RNLS: variants seen among roughly 807,000 people sequenced by gnomAD.
RNLS encodes the protein renalase, FAD dependent amine oxidase.
In RNLS, 39 loss-of-function variants were observed where a neutral mutation model predicts 39.8. The observed-to-expected ratio is 0.98, with a 90% confidence interval of 0.76 to 1.28. RNLS has a LOEUF of 1.28. Among genes scored for constraint, RNLS ranks in the 50% most tolerant of loss-of-function variants. RNLS has a pLI of 0.00. For missense variants in RNLS, 410 were observed against 413.3 expected (o/e 0.99, Z 0.07); for synonymous variants, 147 against 150.7 (o/e 0.98, Z 0.18).
chr10:88,558,795 T>C (rs1849010735), intron 4 of RNLS, among the ~76,000 whole-genome samples: 1 of 152,146 alleles, frequency 6.6e-6, no homozygotes, highest in East Asian at 1.9e-4. Context: ...AAGAACATGA[T>C]AAAATATCAA....
At chr10:88,501,575 C>T (rs1455137218) in intron 4 of RNLS, among the ~76,000 whole-genome samples, 3 of 152,078 alleles carry the variant, frequency 2.0e-5, no homozygotes, top group Non-Finnish European at 4.4e-5. Flanking sequence ...CCATTGCACC[C>T]CTGAGTTCCT....
intron 4 of RNLS, among the ~76,000 whole-genome samples, chr10:88,368,778 A>T (rs183247437): frequency 2.6e-5 from 4 of 152,042 alleles, no homozygotes; most frequent in African/African-American, 9.6e-5. Flanking sequence ...GCAGATTTTT[A>T]TCTATGTTTC....
chr10:88,332,521 C>T (rs1463598305), intron 5 of RNLS, among the ~76,000 whole-genome samples: 2 of 152,152 alleles, frequency 1.3e-5, no homozygotes, highest in Non-Finnish European at 2.9e-5. Context: ...GTTTACATAT[C>T]TAGTTAAAAC....
At chr10:88,394,801 C>A (rs1181437783) in intron 4 of RNLS, among the ~76,000 whole-genome samples, 4 of 152,160 alleles carry the variant, frequency 2.6e-5, no homozygotes, top group Non-Finnish European at 4.4e-5. Flanking sequence ...ACCTAAATGT[C>A]CAACAATGAT....
chr10:88,410,169 T>C (rs1269770661), intron 4 of RNLS, among the ~76,000 whole-genome samples: 1 of 152,142 alleles, frequency 6.6e-6, no homozygotes, highest in Non-Finnish European at 1.5e-5. Flanking sequence ...AAACGTTCTA[T>C]GCCAAGTTTA....
intron 4 of RNLS, among the ~76,000 whole-genome samples, chr10:88,453,959 C>T (rs1476921947): frequency 2.6e-5 from 4 of 152,094 alleles, no homozygotes; most frequent in East Asian, 3.8e-4. Flanking sequence ...ACATATTGAT[C>T]TAGAATATGA....
At chr10:88,179,134 A>G in the RNLS span, among the ~76,000 whole-genome samples, 2 of 152,232 alleles carry the variant, frequency 1.3e-5, no homozygotes, top group African/African-American at 4.8e-5. Flanking sequence ...ATTATGTGGA[A>G]TGTTAAAAGT....
chr10:88,404,778 T>A (rs925807232), intron 4 of RNLS, among the ~76,000 whole-genome samples: 1 of 152,038 alleles, frequency 6.6e-6, no homozygotes, highest in Non-Finnish European at 1.5e-5. Flanking sequence ...AAATTCTACC[T>A]CGTTTATTCT....
intron 4 of RNLS, among the ~76,000 whole-genome samples, chr10:88,508,182 A>C (rs895611947): frequency 9.9e-5 from 15 of 152,122 alleles, no homozygotes; most frequent in Admixed American, 3.3e-4. Context: ...GCTTGAAATG[A>C]GGGTTTGTGA....
At chr10:88,532,069 T>A (rs1847458247) in intron 4 of RNLS, among the ~76,000 whole-genome samples, 1 of 152,072 alleles carries the variant, frequency 6.6e-6, no homozygotes, top group African/African-American at 2.4e-5. Context: ...AAGAATTAGG[T>A]CATTAAAGTC....
At position 88,341,117 on chromosome 10, in the gene RNLS, G is replaced by A. The variant is rs917551746; in HGVS notation, c.700+21435C>T. 9.5e-4 allele frequency among the ~76,000 whole-genome samples: 142 copies of A among 149,970 alleles called. 1 individual carries two copies. The highest frequency in any genetic ancestry group is 1.9e-4 in the Non-Finnish European group (13 of 67,608). On this transcript the variant is annotated intron_variant, in intron 5 of 6. Transcript: ENST00000331772. ...GGCCTAGGCGGGCGGATCACCTGAG[G>A]TCGGGAGTTCGAGACCAGCCTGACC...
intron 4 of RNLS, among the ~76,000 whole-genome samples, chr10:88,519,165 T>G (rs1379026383): frequency 6.6e-6 from 1 of 152,040 alleles, no homozygotes. Flanking sequence ...GAACCTAATG[T>G]GCATTCAGGC....
chr10:88,205,520 T>G, the RNLS span, among the ~76,000 whole-genome samples: 6 of 152,226 alleles, frequency 3.9e-5, no homozygotes, highest in East Asian at 1.2e-3. Flanking sequence ...TACCTTGGAT[T>G]AGTTGCAAGA....
intron 4 of RNLS, among the ~76,000 whole-genome samples, chr10:88,396,705 TAAA>T (rs35417528): frequency 1.4e-5 from 2 of 144,516 alleles, no homozygotes; most frequent in African/African-American, 5.0e-5. Flanking sequence ...CATAATGGAT[TAAA>T]AAAAAAAAAA....
chr10:88,509,488 A>T (rs1291906658), intron 4 of RNLS, among the ~76,000 whole-genome samples: 7 of 74,046 alleles, frequency 9.5e-5, no homozygotes, highest in African/African-American at 3.8e-4. Flanking sequence ...AGGGGAGGAG[A>T]GGAGGAGGGG....
At chr10:88,320,098 G>C (rs962025885) in intron 5 of RNLS, among the ~76,000 whole-genome samples, 1 of 151,582 alleles carries the variant, frequency 6.6e-6, no homozygotes, top group African/African-American at 2.4e-5. Context: ...GGACTTCTCT[G>C]TAGAAGCCTT....
rs541202174 is a variant in RNLS, at chr10:88,444,738, G to T, written c.527-82013C>A. On this transcript the variant is annotated intron_variant, in intron 4 of 6. Coordinates refer to ENST00000331772, the MANE Select transcript of RNLS (RefSeq NM_001031709.3). ...GGGTGTCAGTGATTGAAGATCAAAT[G>T]AATGAAATGAAGCAAGAAGAGAAGT... Among the ~76,000 whole-genome samples the T allele has an allele frequency of 5.9e-5, 9 of 152,278 alleles. No individual in the cohort carries two copies. The South Asian group carries it at 8.3e-4, about 14-fold the overall frequency.
the RNLS span, among the ~76,000 whole-genome samples, chr10:88,199,347 A>G: frequency 3.9e-5 from 6 of 152,138 alleles, no homozygotes; most frequent in East Asian, 7.7e-4. Context: ...ATATTTGTCA[A>G]CCTCAGCACC....
intron 4 of RNLS, among the ~76,000 whole-genome samples, chr10:88,447,474 G>C (rs1842106281): frequency 1.3e-5 from 2 of 152,114 alleles, no homozygotes; most frequent in Non-Finnish European, 2.9e-5. Flanking sequence ...CCTCTTCAAG[G>C]AGAACTACAA....
Sources: allele counts gnomAD v4.1 joint callset (sites outside exome capture counted in the v4.1 genomes callset), GRCh38; gene constraint gnomAD v4.1.1; transcripts MANE v1.5; gene names NCBI Gene and HGNC (gene_info 2026-07-23, HGNC 2026-07-21).